The following YWHAG variants were observed in gnomAD, a reference collection of about 807,000 sequenced individuals.
The protein encoded by YWHAG is 14-3-3 protein gamma.
In YWHAG, 1 loss-of-function variant was observed where a neutral mutation model predicts 23.3. The observed-to-expected ratio is 0.04, with a 90% CI of 0.02 to 0.20. The LOEUF (loss-of-function observed/expected upper bound fraction) is 0.20. Ranked by LOEUF, YWHAG falls within the 10% of genes least tolerant of loss-of-function variation. The pLI is 1.00. For synonymous variants in YWHAG, 160 were observed against 144.0 expected, an observed-to-expected ratio of 1.11 and a Z score of -0.80; for missense variants, 151 against 338.6, an observed-to-expected ratio of 0.45 and a Z score of 4.35.
intron 1 of YWHAG, among the ~76,000 whole-genome samples, chr7:76,331,491 G>C (rs1162279887): frequency 1.3e-5 from 2 of 151,832 alleles, no homozygotes; most frequent in Non-Finnish European, 2.9e-5. Flanking sequence ...GGATGGCTTT[G>C]AATGCAGCCC....
At chr7:76,354,401 C>T (rs1803920612) in intron 1 of YWHAG, among the ~76,000 whole-genome samples, 2 of 151,968 alleles carry the variant, frequency 1.3e-5, no homozygotes, top group African/African-American at 4.8e-5. Flanking sequence ...ATCCCAGCTA[C>T]TTGGGAGGCT....
Position 76,328,938 on chromosome 7 carries a change from T to C in YWHAG, c.*639A>G, listed in dbSNP as rs1358574358. On this transcript the variant is annotated 3_prime_UTR_variant, in exon 2 of 2. Coordinates refer to ENST00000307630, the MANE Select transcript of YWHAG (RefSeq NM_012479.4). ...GCCCAAACAACTAGCAAAGGAAAAG[T>C]ACACAATCGATGGCTTGATGTTACA... 1 of 152,714 alleles carries C rather than the reference T, an allele frequency of 6.5e-6. No individual in the cohort carries two copies. Among genetic ancestry groups the C allele is most frequent in the Non-Finnish European group, 1.5e-5 (1 of 68,082 alleles). The allele number at this position is 152,714 out of a possible 1,614,324, so 9.5% of individuals were successfully genotyped here.
At chr7:76,356,285 C>T (rs1453743805) in intron 1 of YWHAG, among the ~76,000 whole-genome samples, 6 of 152,142 alleles carry the variant, frequency 3.9e-5, no homozygotes, top group Non-Finnish European at 8.8e-5. Flanking sequence ...ACAACTTTTT[C>T]AAGTATTGTC....
chr7:76,347,580 C>T (rs1803799244), intron 1 of YWHAG, among the ~76,000 whole-genome samples: 1 of 137,668 alleles, frequency 7.3e-6, no homozygotes, highest in African/African-American at 2.9e-5. Flanking sequence ...GAGGGAAAAT[C>T]AGTGTCAGCA....
rs75633443 is a variant in YWHAG at position 76,342,168 on chromosome 7, G to A, written c.88-11935C>T. On this transcript the variant is annotated intron_variant, in intron 1 of 1. Coordinates refer to ENST00000307630, the MANE Select transcript of YWHAG (RefSeq NM_012479.4). ...CAATATCCTCTCCAAAAAGGTGAAC[G>A]AAAGGGCTTGTTTAGATTTATGCAC... Among the ~76,000 whole-genome samples the A allele has an allele frequency of 7.3e-3, 1,117 of 152,158 alleles. 17 individuals are homozygous for A. The highest frequency in any genetic ancestry group is 0.025 in the African/African-American group (1,054 of 41,490).
At chr7:76,337,795 C>A (rs983035968) in intron 1 of YWHAG, among the ~76,000 whole-genome samples, 23 of 152,182 alleles carry the variant, frequency 1.5e-4, no homozygotes, top group Non-Finnish European at 4.4e-5. Context: ...CTCAGCCTCC[C>A]AAAGTGCTGG....
At chr7:76,340,279 A>G (rs1280705562) in intron 1 of YWHAG, among the ~76,000 whole-genome samples, 1 of 152,248 alleles carries the variant, frequency 6.6e-6, no homozygotes, top group Non-Finnish European at 1.5e-5. Flanking sequence ...TATGGTTTCC[A>G]AATATCACCT....
intron 1 of YWHAG, among the ~76,000 whole-genome samples, chr7:76,342,267 C>T (rs1307676329): frequency 6.6e-6 from 1 of 152,184 alleles, no homozygotes; most frequent in East Asian, 1.9e-4. Context: ...CATTATGAAG[C>T]ATTCGATCCC....
chr7:76,332,626 T>C (rs1055035429), intron 1 of YWHAG, among the ~76,000 whole-genome samples: 1 of 151,632 alleles, frequency 6.6e-6, no homozygotes, highest in African/African-American at 2.4e-5. Flanking sequence ...GCTCAAGCAA[T>C]CCTCCCACCT....
intron 1 of YWHAG, among the ~76,000 whole-genome samples, chr7:76,336,449 G>T: frequency 7.0e-6 from 1 of 142,248 alleles, no homozygotes; most frequent in Admixed American, 7.1e-5. Context: ...AAGAAAGTCT[G>T]GCTTTTTTTT....
At chr7:76,340,760 A>G (rs1187306960) in intron 1 of YWHAG, among the ~76,000 whole-genome samples, 1 of 152,216 alleles carries the variant, frequency 6.6e-6, no homozygotes, top group Admixed American at 6.5e-5. Flanking sequence ...GGAACCATGC[A>G]TATCTATTTC....
intron 1 of YWHAG, among the ~76,000 whole-genome samples, chr7:76,352,042 C>T (rs1803883376): frequency 6.6e-6 from 1 of 152,192 alleles, no homozygotes; most frequent in African/African-American, 2.4e-5. Flanking sequence ...CGCATGGCTA[C>T]TCACTATGCT....
chr7:76,355,506 G>A (rs746667946), intron 1 of YWHAG, among the ~76,000 whole-genome samples: 2 of 152,056 alleles, frequency 1.3e-5, no homozygotes, highest in Non-Finnish European at 2.9e-5. Flanking sequence ...TTCTTTCCAC[G>A]CCCAAGAAGA....
rs376089920 is a variant in YWHAG, at chr7:76,349,694, G to A, written c.87+9028C>T. ...ATTGTTTGCCCTTCCTCAATAAATAGATCAAGTTCCAAACATCTGAAGTCT... is the reference window on the plus strand; with the variant it reads ...ATTGTTTGCCCTTCCTCAATAAATAAATCAAGTTCCAAACATCTGAAGTCT... On this transcript the variant is annotated intron_variant, in intron 1 of 1. Transcript: ENST00000307630. Among the ~76,000 whole-genome samples the A allele has an allele frequency of 2.6e-5, 4 of 152,144 alleles. No individual in the cohort carries two copies. In the East Asian group the frequency reaches 7.7e-4, roughly 29 times the overall value.
intron 1 of YWHAG, among the ~76,000 whole-genome samples, chr7:76,356,805 T>A (rs1172431229): frequency 6.6e-6 from 1 of 152,244 alleles, no homozygotes; most frequent in East Asian, 1.9e-4. Context: ...GATTTGCATG[T>A]CTAAGGGTAA....
chr7:76,349,294 G>A (rs554065461), intron 1 of YWHAG, among the ~76,000 whole-genome samples: 34 of 149,662 alleles, frequency 2.3e-4, no homozygotes, highest in Admixed American at 1.4e-3. Flanking sequence ...AGCTGAGATC[G>A]CGCCACTGCA....
chr7:76,355,180 T>C (rs1291353534), intron 1 of YWHAG, among the ~76,000 whole-genome samples: 2 of 152,242 alleles, frequency 1.3e-5, no homozygotes, highest in African/African-American at 4.8e-5. Flanking sequence ...CAATTGCACT[T>C]GAAATCTGAT....
intron 1 of YWHAG, among the ~76,000 whole-genome samples, chr7:76,333,647 G>C (rs1230391813): frequency 6.6e-6 from 1 of 151,930 alleles, no homozygotes; most frequent in Non-Finnish European, 1.5e-5. Context: ...CATACAGCCT[G>C]AAAAAAAACT....
At chr7:76,341,671 T>C (rs1021743570) in intron 1 of YWHAG, among the ~76,000 whole-genome samples, 17 of 152,060 alleles carry the variant, frequency 1.1e-4, no homozygotes, top group African/African-American at 4.1e-4. Flanking sequence ...AGTTACATAA[T>C]ATGTCCAGAA....
Sources: gnomAD v4.1 joint callset for allele counts (sites outside exome capture counted in the v4.1 genomes callset) on GRCh38, gnomAD v4.1.1 for gene constraint, MANE v1.5 for transcripts, NCBI Gene and HGNC (gene_info 2026-07-23, HGNC 2026-07-21) for gene names.